ZNF48: variants seen among roughly 807,000 people sequenced by gnomAD.
ZNF48 encodes the protein zinc finger protein 553.
ZNF48 carries 20 observed loss-of-function variants against 40.0 expected under a neutral mutation model. The observed-to-expected ratio is 0.50, with a 90% confidence interval of 0.35 to 0.73. The LOEUF is 0.73. Among genes scored for constraint, ZNF48 ranks in the 30% least tolerant of loss-of-function variants. The pLI is 0.01. For synonymous variants in ZNF48, 298 were observed against 329.7 expected, an observed-to-expected ratio of 0.90 and a Z score of 1.04; for missense variants, 726 against 851.9, an observed-to-expected ratio of 0.85 and a Z score of 1.84.
chr16:30,382,533 C>T lies in ZNF48; in HGVS notation c.-16+4123C>T, dbSNP rs374954816. On this transcript the variant is annotated intron_variant, in intron 1 of 2. Transcript: ENST00000528032. This position sits in a 1 kb window ranked among gnomAD's most constrained non-coding sequence, Gnocchi z 4.8. ...TGGGTGTAAGGACTCACCATGACTC[C>T]GCCAGCCATCACTGCACCTGCCGTC... 2.3e-5 allele frequency: 36 copies of T among 1,590,688 alleles called. No homozygotes were observed. The highest frequency in any genetic ancestry group is 5.4e-5 in the African/African-American group (4 of 74,630).
upstream of ZNF48, among the ~76,000 whole-genome samples, chr16:30,391,188 A>G (rs1187282950): frequency 6.6e-6 from 1 of 151,994 alleles, no homozygotes; most frequent in Non-Finnish European, 1.5e-5. Context: ...AGCACACATT[A>G]GGTTTTCTTT....
intron 1 of ZNF48, chr16:30,379,155 C>A: frequency 6.2e-7 from 1 of 1,614,122 alleles, no homozygotes; most frequent in Non-Finnish European, 8.5e-7. Flanking sequence ...GTCGCAGGTT[C>A]AGGAAATCGC....
chr16:30,380,876 CAT>C, intron 1 of ZNF48: 1 of 550,242 alleles, frequency 1.8e-6, no homozygotes. Context: ...ACTATGTTCT[CAT>C]GTCTATGCTC....
chr16:30,395,827 TCTC>T lies in ZNF48; in HGVS notation c.35_37del (p.Leu12del). ...GCGCGGTAGAGCCTTGGGGCCCAGA[TCTC>T]CACCGCCCGGAGGAGAGGGAGCCAC... On this transcript the variant is annotated inframe_deletion, in exon 2 of 3. Coordinates refer to ENST00000613509, the MANE Select transcript of ZNF48 (RefSeq NM_001214909.2). The surrounding 1 kb of genome is among the most constrained non-coding windows in gnomAD (Gnocchi z 5.9). 6.5e-7 allele frequency: 1 copy of T among 1,550,178 alleles called. No homozygotes were observed. Among genetic ancestry groups the T allele is most frequent in the South Asian group, 1.2e-5 (1 of 84,436 alleles).
chr16:30,379,493 C>T, intron 1 of ZNF48: 1 of 1,614,042 alleles, frequency 6.2e-7, no homozygotes, highest in South Asian at 1.1e-5. Context: ...CGCCATCCCT[C>T]ACCACCTCGC....
chr16:30,381,485 G>A lies in ZNF48; in HGVS notation c.-16+3075G>A, dbSNP rs2049848410. The A allele has an allele frequency of 1.2e-6, 2 of 1,613,844 alleles. No individual in the cohort carries two copies. The highest frequency in any genetic ancestry group is 1.1e-5 in the South Asian group (1 of 91,068). ...CCACCGGAAGCCAGCTGGGTGTGGG[G>A]AGAGGATGTGAGGTCAGAGATCAAA... On this transcript the variant is annotated intron_variant, in intron 1 of 2. Transcript: ENST00000528032. The surrounding 1 kb of genome is among the most constrained non-coding windows in gnomAD (Gnocchi z 4.3).
chr16:30,398,266 G>A lies in ZNF48; in HGVS notation c.1016G>A (p.Gly339Asp). Residue 339 changes from glycine to aspartate, a missense_variant, in exon 3 of 3, where the codon GGT becomes GAT. By Grantham distance (94) the Gly-to-Asp change is moderately conservative. Coordinates refer to ENST00000613509, the MANE Select transcript of ZNF48 (RefSeq NM_001214909.2). The surrounding 1 kb of genome is among the most constrained non-coding windows in gnomAD (Gnocchi z 6.6). ...TACCTCTGCCCAGAGTGCGGCAAAGGTTTCGCGGACAGCTCCGCCCGAGTC... is the reference window on the plus strand; with the variant it reads ...TACCTCTGCCCAGAGTGCGGCAAAGATTTCGCGGACAGCTCCGCCCGAGTC... ...KPYLCPECGK[G>D]FADSSARVKH... is the part of the protein sequence containing the mutation. 1.9e-6 allele frequency: 3 copies of A among 1,613,490 alleles called. No homozygotes were observed. The highest frequency in any genetic ancestry group is 2.5e-6 in the Non-Finnish European group (3 of 1,180,036).
At chr16:30,379,784 T>C (rs1175069206) in intron 1 of ZNF48, 1 of 614,710 alleles carries the variant, frequency 1.6e-6, no homozygotes, top group African/African-American at 1.9e-5. Context: ...TTTGTGTATT[T>C]TTAGTAGAGG....
chr16:30,379,842 G>A (rs2049818393), intron 1 of ZNF48: 2 of 746,256 alleles, frequency 2.7e-6, no homozygotes, highest in Non-Finnish European at 4.6e-6. Flanking sequence ...CCTGACCTCA[G>A]GGGATCCTCC....
At chr16:30,389,378 G>A (rs1039139581) in intron 1 of ZNF48, among the ~76,000 whole-genome samples, 7 of 147,404 alleles carry the variant, frequency 4.7e-5, no homozygotes, top group African/African-American at 1.5e-4. Flanking sequence ...GCAACAGAGC[G>A]AGACTCCATC....
intron 1 of ZNF48, among the ~76,000 whole-genome samples, chr16:30,389,181 C>G (rs918400325): frequency 6.6e-6 from 1 of 151,740 alleles, no homozygotes; most frequent in African/African-American, 2.4e-5. Context: ...ATCACGAGGT[C>G]AGGAGATCGA....
chr16:30,398,004 G>T lies in ZNF48; in HGVS notation c.754G>T (p.Val252Leu), dbSNP rs1042078879. 12 of 1,613,184 alleles carry T rather than the reference G, an allele frequency of 7.4e-6. No individual in the cohort carries two copies. The highest frequency in any genetic ancestry group is 9.3e-6 in the Non-Finnish European group (11 of 1,179,562). ...HRGEQPPRPV[V>L]PRRQPSRAAT... The stretch of plus-strand genomic sequence containing the variant: ...GGGGGAGCAGCCCCCCCGACCAGTG[G>T]TGCCCCGACGGCAGCCATCTCGGGC... Residue 252 changes from valine (V) to leucine (L), a missense_variant, in exon 3 of 3, where the codon GTG (valine) becomes TTG (leucine). This residue lies in a region of ZNF48 where 378 missense variants were observed against 449.1 expected (regional missense o/e 0.84). Coordinates refer to ENST00000613509, the MANE Select transcript of ZNF48 (RefSeq NM_001214909.2). The surrounding 1 kb of genome is among the most constrained non-coding windows in gnomAD (Gnocchi z 6.6).
Position 30,395,624 on chromosome 16 carries a change from C to T in ZNF48, c.-16+46C>T, listed in dbSNP as rs1477941725. On this transcript the variant is annotated intron_variant, in intron 1 of 2. Transcript: ENST00000613509. The surrounding 1 kb of genome is among the most constrained non-coding windows in gnomAD (Gnocchi z 5.9). Reference sequence around the variant, plus strand: ...CTGGGAGGAGCAGCAGGTGCAGGGGCGGCCGGCGGCGCGGGCAGGGGGCAC... The same window carrying T: ...CTGGGAGGAGCAGCAGGTGCAGGGGTGGCCGGCGGCGCGGGCAGGGGGCAC... The T allele has an allele frequency of 1.5e-5, 5 of 339,594 alleles. No homozygotes were observed. The highest frequency in any genetic ancestry group is 4.4e-5 in the African/African-American group (2 of 45,216). 21.0% of individuals were successfully genotyped at this position (339,594 alleles called of 1,614,324 possible).
intron 1 of ZNF48, chr16:30,380,768 TA>T (rs11325889): frequency 0.03 from 8,019 of 264,542 alleles, 381 homozygotes; most frequent in African/African-American, 0.13. Flanking sequence ...AGACTCTATC[TA>T]AAAAAAAAAA....
chr16:30,397,235 C>A lies in ZNF48; in HGVS notation c.80-95C>A. ...ACAGAGAGATTGGGGTTCCTGTGAC[C>A]ACAGATTGTCAAGGGAGTCTTCCTG... is the stretch of plus-strand genomic sequence containing the variant. On this transcript the variant is annotated intron_variant, in intron 2 of 2. Transcript: ENST00000613509. This position sits in a 1 kb window ranked among gnomAD's most constrained non-coding sequence, Gnocchi z 4.1. 1 of 1,156,344 alleles carries A rather than the reference C, an allele frequency of 8.6e-7. No individual in the cohort carries two copies. 71.6% of individuals were successfully genotyped at this position (1,156,344 alleles called of 1,614,324 possible).
intron 1 of ZNF48, chr16:30,379,065 G>T: frequency 6.2e-7 from 1 of 1,613,972 alleles, no homozygotes; most frequent in Non-Finnish European, 8.5e-7. Flanking sequence ...GGCTCTGTAG[G>T]CAGCGGGCCC....
chr16:30,389,572 C>G (rs1182864933), intron 1 of ZNF48, among the ~76,000 whole-genome samples: 1 of 53,594 alleles, frequency 1.9e-5, no homozygotes, highest in Non-Finnish European at 3.8e-5. Context: ...GACTCTGTCT[C>G]AAAAAAAAAA....
rs9936065 is a variant in ZNF48, at chr16:30,398,378, C to T, written c.1128C>T (p.Arg376=). 72,600 of 1,612,904 alleles carry T rather than the reference C, an allele frequency of 0.045. 3,927 individuals are homozygous for T. Among genetic ancestry groups the T allele is most frequent in the African/African-American group, 0.27 (20,067 of 74,946 alleles). ...TCAGCCTCAGCTCCACCCTTCTTCG[C>T]CACCGCCTCACTCACATGGAGCCCC... ...RTFSLSSTLL[R]HRLTHMEPQD... is the part of the protein sequence containing the mutation. Residue 376 remains arginine, a synonymous_variant, in exon 3 of 3, where the codon CGC becomes CGT. Coordinates refer to ENST00000613509, the MANE Select transcript of ZNF48 (RefSeq NM_001214909.2). This position sits in a 1 kb window ranked among gnomAD's most constrained non-coding sequence, Gnocchi z 6.6.
rs778284958 is a variant in ZNF48 at position 30,381,187 on chromosome 16, G to A, written c.-16+2777G>A. The A allele has an allele frequency of 6.2e-7, 1 of 1,614,106 alleles. No individual in the cohort carries two copies. The highest frequency in any genetic ancestry group is 1.1e-5 in the South Asian group (1 of 91,084). ...GAGCATCCGCTTTGCCAATGACTGG[G>A]ATGATGTTGACTTTCTCGTGTACTG... is the stretch of plus-strand genomic sequence containing the variant. On this transcript the variant is annotated intron_variant, in intron 1 of 2. Transcript: ENST00000528032. The surrounding 1 kb of genome is among the most constrained non-coding windows in gnomAD (Gnocchi z 4.3).
Sources: allele counts gnomAD v4.1 joint callset (sites outside exome capture counted in the v4.1 genomes callset), GRCh38; gene constraint gnomAD v4.1.1; regional missense constraint gnomAD v4.1.1; non-coding constraint Gnocchi (gnomAD v3.1); transcripts MANE v1.5; gene names NCBI Gene and HGNC (gene_info 2026-07-23, HGNC 2026-07-21).